The following SCARA5 variants were observed in gnomAD, a reference collection of about 807,000 sequenced individuals.
SCARA5 encodes scavenger receptor class A member 5, also known as scavenger receptor class A, member 5 (putative).
Under a neutral mutation model 46.3 loss-of-function variants are expected in SCARA5, and 45 were observed. The observed-to-expected ratio is 0.97, with a 90% CI of 0.76 to 1.24. SCARA5 has a LOEUF of 1.24. Among genes scored for constraint, SCARA5 ranks in the 50% most tolerant of loss-of-function variants. The pLI is 0.00. For synonymous variants in SCARA5, 333 were observed against 306.5 expected (o/e 1.09, Z -0.90); for missense variants, 680 against 689.0 (o/e 0.99, Z 0.15).
chr8:27,907,149 TTTGAACCCACGCATGCCCA>T lies in SCARA5; in HGVS notation c.1076_1094del (p.Met359LysfsTer27). On this transcript the variant is annotated frameshift_variant and splice_region_variant, in exon 6 of 9. Coordinates refer to ENST00000354914, the MANE Select transcript of SCARA5 (RefSeq NM_173833.6). LOFTEE classifies it high-confidence loss of function. The stretch of plus-strand genomic sequence containing the variant: ...AGGGAGAACTGAGATTGTTATTACC[TTTGAACCCACGCATGCCCA>T]TTGGTCCTGTGGCCCCCAGCTTCCC... The T allele has an allele frequency of 6.2e-7, 1 of 1,611,744 alleles. No individual in the cohort carries two copies. Among genetic ancestry groups the T allele is most frequent in the Non-Finnish European group, 8.5e-7 (1 of 1,178,360 alleles).
chr8:27,914,997 A>G (rs990313182), intron 4 of SCARA5, among the ~76,000 whole-genome samples: 1 of 152,136 alleles, frequency 6.6e-6, no homozygotes, highest in Non-Finnish European at 1.5e-5. Context: ...ATGTGCCAAG[A>G]GCAAATTATG....
In SCARA5 at chr8:27,888,323, G is replaced by A. The variant is rs78314913; in HGVS notation, c.1154-8557C>T. Among the ~76,000 whole-genome samples, 504 of 152,356 alleles carry A rather than the reference G, an allele frequency of 3.3e-3. 3 individuals are homozygous for A. Among genetic ancestry groups the A allele is most frequent in the Non-Finnish European group, 5.7e-3 (388 of 68,036 alleles). Reference sequence around the variant, plus strand: ...GGACCTGGAAGAAGTCACATCCACAGGCCAGACCTTAATATTCCTTTCTGC... The same window carrying A: ...GGACCTGGAAGAAGTCACATCCACAAGCCAGACCTTAATATTCCTTTCTGC... On this transcript the variant is annotated intron_variant, in intron 7 of 8. Coordinates refer to ENST00000354914, the MANE Select transcript of SCARA5 (RefSeq NM_173833.6).
At chr8:27,914,844 G>T (rs1279654565) in intron 4 of SCARA5, among the ~76,000 whole-genome samples, 1 of 152,196 alleles carries the variant, frequency 6.6e-6, no homozygotes, top group Non-Finnish European at 1.5e-5. Context: ...GTGGGACGAA[G>T]GGTCTGGGAC....
chr8:27,941,409 A>G (rs1177193594), intron 3 of SCARA5, among the ~76,000 whole-genome samples: 1 of 152,156 alleles, frequency 6.6e-6, no homozygotes, highest in Non-Finnish European at 1.5e-5. Context: ...CTCACTTTTG[A>G]CCTTAAAATG....
intron 5 of SCARA5, among the ~76,000 whole-genome samples, chr8:27,907,689 C>T (rs965465508): frequency 6.6e-6 from 1 of 151,530 alleles, no homozygotes; most frequent in African/African-American, 2.4e-5. Context: ...CCCACCTCAC[C>T]CTCCCGAGTA....
intron 4 of SCARA5, among the ~76,000 whole-genome samples, chr8:27,915,919 C>T (rs2129791232): frequency 9.7e-6 from 1 of 103,446 alleles, no homozygotes; most frequent in Non-Finnish European, 2.5e-5. Context: ...GTTTCCCCTT[C>T]TGGGCTGCCT....
rs185573902 is a variant in SCARA5 at position 27,980,442 on chromosome 8, C to T, written c.112+7062G>A. Among the ~76,000 whole-genome samples, 831 of 152,330 alleles carry T rather than the reference C, an allele frequency of 5.5e-3. 16 individuals are homozygous for T. Among genetic ancestry groups the T allele is most frequent in the Admixed American group, 0.048 (728 of 15,308 alleles). On this transcript the variant is annotated intron_variant, in intron 2 of 8. Transcript: ENST00000354914. Reference sequence around the variant, plus strand: ...ACTGTACCAGGCTAGTGGGACATGTCGGTGGCATCCCCCTCAGACCCTCCT... The same window carrying T: ...ACTGTACCAGGCTAGTGGGACATGTTGGTGGCATCCCCCTCAGACCCTCCT...
rs186444510 is a variant in SCARA5, at chr8:27,908,734, C to T, written c.997+929G>A. The stretch of plus-strand genomic sequence containing the variant: ...GCCCCAGGCTCCCCATCTTATGATT[C>T]GCTAGGGCAGAAAATGCAGTTCCAG... On this transcript the variant is annotated intron_variant, in intron 5 of 8. Coordinates refer to ENST00000354914, the MANE Select transcript of SCARA5 (RefSeq NM_173833.6). 7.7e-4 allele frequency among the ~76,000 whole-genome samples: 117 copies of T among 152,206 alleles called. 1 individual carries two copies. Among genetic ancestry groups the T allele is most frequent in the Admixed American group, 5.9e-3 (90 of 15,288 alleles).
At chr8:27,985,297 G>A (rs1433027536) in intron 2 of SCARA5, among the ~76,000 whole-genome samples, 20 of 152,088 alleles carry the variant, frequency 1.3e-4, no homozygotes, top group Admixed American at 1.3e-3. Flanking sequence ...AGTGGGAGGG[G>A]GCAGTAATGC....
At chr8:27,879,789 C>T (rs767003704) in intron 7 of SCARA5, 23 bp from the exon 8 acceptor site, 2 of 1,610,560 alleles carry the variant, frequency 1.2e-6, no homozygotes, top group Admixed American at 1.7e-5. Context: ...CCAACTGTCA[C>T]TACCCAGCTC....
intron 3 of SCARA5, among the ~76,000 whole-genome samples, chr8:27,942,204 C>T (rs1267261852): frequency 6.6e-6 from 1 of 152,114 alleles, no homozygotes; most frequent in Non-Finnish European, 1.5e-5. Flanking sequence ...AGCCAGGCCT[C>T]GAGACTGAGT....
intron 5 of SCARA5, among the ~76,000 whole-genome samples, chr8:27,908,263 G>A (rs546005643): frequency 4.6e-5 from 7 of 152,342 alleles, no homozygotes; most frequent in South Asian, 2.1e-4. Flanking sequence ...GATTGGAGGC[G>A]AGGTCAGTAA....
At chr8:27,986,625 C>G (rs542036012) in intron 2 of SCARA5, among the ~76,000 whole-genome samples, 42 of 152,292 alleles carry the variant, frequency 2.8e-4, no homozygotes, top group African/African-American at 9.9e-4. Context: ...TCTCCCCACT[C>G]TAAGCCACCA....
chr8:27,959,267 A>G (rs991457074), intron 3 of SCARA5, among the ~76,000 whole-genome samples: 6 of 152,012 alleles, frequency 3.9e-5, no homozygotes, highest in Non-Finnish European at 7.4e-5. Flanking sequence ...GTCTCATGAG[A>G]ATTTAAACTA....
chr8:27,944,735 T>C lies in SCARA5; in HGVS notation c.241+21679A>G, dbSNP rs182420794. Among the ~76,000 whole-genome samples, 319 of 146,952 alleles carry C rather than the reference T, an allele frequency of 2.2e-3. 1 individual carries two copies. Among genetic ancestry groups the C allele is most frequent in the Middle Eastern group, 0.018 (5 of 276 alleles). ...AAAAAAAAAAAGTAGCTGGGCATGG[T>C]GGCAGTTGCCTGCAATCCCAGATAC... On this transcript the variant is annotated intron_variant, in intron 3 of 8. Transcript: ENST00000354914.
At chr8:27,930,918 A>T (rs755077561) in intron 3 of SCARA5, among the ~76,000 whole-genome samples, 4 of 152,166 alleles carry the variant, frequency 2.6e-5, no homozygotes, top group African/African-American at 9.7e-5. Context: ...AGAGCATCAC[A>T]TCTAGGGCAG....
At chr8:27,946,750 C>A (rs79330321) in intron 3 of SCARA5, among the ~76,000 whole-genome samples, 1 of 152,146 alleles carries the variant, frequency 6.6e-6, no homozygotes, top group Non-Finnish European at 1.5e-5. Context: ...GAGAATCTGA[C>A]GAGGCCTCCT....
At chr8:27,899,022 T>C (rs1563516812) in intron 7 of SCARA5, among the ~76,000 whole-genome samples, 1 of 152,240 alleles carries the variant, frequency 6.6e-6, no homozygotes, top group Non-Finnish European at 1.5e-5. Context: ...TTGTGTCCTT[T>C]ATAATAAACT....
intron 7 of SCARA5, 73 bp from the exon 8 acceptor site, chr8:27,879,839 TCCGCCTACCCCTGGGTAG>T: frequency 6.9e-7 from 1 of 1,451,064 alleles, no homozygotes. Flanking sequence ...CTTCTTTGAC[TCCGCCTACCCCTGGGTAG>T]GAGGAAGAGA....
Sources: gnomAD v4.1 joint callset for allele counts (sites outside exome capture counted in the v4.1 genomes callset) on GRCh38, gnomAD v4.1.1 for gene constraint, MANE v1.5 for transcripts, NCBI Gene and HGNC (gene_info 2026-07-23, HGNC 2026-07-21) for gene names.